The following VPS13D variants were observed in gnomAD, a reference collection of about 807,000 sequenced individuals.
VPS13D encodes the protein vacuolar protein sorting 13 homolog D, also known as intermembrane lipid transfer protein VPS13D.
In VPS13D, 187 loss-of-function variants were observed where a neutral mutation model predicts 461.9. The observed-to-expected ratio is 0.40, with a 90% CI of 0.36 to 0.46. VPS13D has a LOEUF of 0.46. Among genes scored for constraint, VPS13D ranks in the 20% least tolerant of loss-of-function variants. The pLI, the probability that VPS13D is intolerant of heterozygous loss-of-function variation, is 0.60. For missense variants in VPS13D, 4,711 were observed against 5,364.9 expected, an observed-to-expected ratio of 0.88 and a Z score of 3.81; for synonymous variants, 1,951 against 1,986.3, an observed-to-expected ratio of 0.98 and a Z score of 0.47.
chr1:12,290,918 CCAG>C, intron 22 of VPS13D, 77 bp from the exon 23 acceptor site: 1 of 1,389,524 alleles, frequency 7.2e-7, no homozygotes, highest in Non-Finnish European at 9.5e-7. Flanking sequence ...CATGTGTATA[CCAG>C]CTTTTGTTCC....
intron 55 of VPS13D, 107 bp from the exon 56 acceptor site, chr1:12,378,321 T>C (rs1265161941): frequency 2.9e-6 from 3 of 1,032,966 alleles, no homozygotes; most frequent in African/African-American, 3.3e-5. Context: ...CTAAATAAAC[T>C]TCCTATATGA....
In VPS13D at chr1:12,256,165, T is replaced by C. The variant is rs536578110; in HGVS notation, c.670-168T>C. On this transcript the variant is annotated intron_variant, in intron 7 of 69. Transcript: ENST00000620676. ...GCAATATAGTGAGATCCTGTCCCTA[T>C]ATAAAAAGAATAAAAATGAATAAAA... is the stretch of plus-strand genomic sequence containing the variant. The C allele has an allele frequency of 5.7e-6, 4 of 696,338 alleles. No individual in the cohort carries two copies. The South Asian group carries it at 8.3e-5, about 14-fold the overall frequency. 43.1% of individuals were successfully genotyped at this position (696,338 alleles called of 1,614,324 possible). A position where few individuals can be genotyped will look rare whatever the true frequency, so the allele number is the denominator to read the frequency against.
chr1:12,266,805 T>C (rs57501782), intron 13 of VPS13D, 76 bp from the exon 14 acceptor site: 1 of 1,260,688 alleles, frequency 7.9e-7, no homozygotes, highest in Non-Finnish European at 1.1e-6. Context: ...TTCTGTAAAA[T>C]AGAATATCTA....
At chr1:12,372,551 G>T (rs534631775) in intron 54 of VPS13D, among the ~76,000 whole-genome samples, 19 of 152,204 alleles carry the variant, frequency 1.2e-4, no homozygotes, top group Non-Finnish European at 2.6e-4. Flanking sequence ...ATTTCAAATG[G>T]AATTATTTAC....
chr1:12,384,915 C>T (rs1251328779), intron 58 of VPS13D, among the ~76,000 whole-genome samples: 6 of 152,110 alleles, frequency 3.9e-5, no homozygotes, highest in East Asian at 3.9e-4. Context: ...GCCACTGTGC[C>T]GGCTCACAAT....
At chr1:12,240,942 TC>T (rs1031252858) in intron 2 of VPS13D, among the ~76,000 whole-genome samples, 1 of 152,074 alleles carries the variant, frequency 6.6e-6, no homozygotes, top group Admixed American at 6.6e-5. Flanking sequence ...TCTTTTTTTT[TC>T]CCTTTTTCTT....
Position 12,509,692 on chromosome 1 carries a change from C to A in VPS13D, c.*668C>A, listed in dbSNP as rs1646158553. 6.6e-6 allele frequency: 1 copy of A among 152,208 alleles called. No individual in the cohort carries two copies. The highest frequency in any genetic ancestry group is 2.1e-4 in the South Asian group (1 of 4,826). 9.4% of individuals were successfully genotyped at this position (152,208 alleles called of 1,614,324 possible). On this transcript the variant is annotated 3_prime_UTR_variant, in exon 70 of 70. Transcript: ENST00000620676. ...GCTTGGGAGCCCACTTTTAATTTCT[C>A]ACCCCCATTTTACAAAGAGTGCTTA...
Position 12,412,524 on chromosome 1 carries a change from G to T in VPS13D, c.12031-2563G>T, listed in dbSNP as rs115430346. ...TAATACCATCACGTGACTTTTGACA[G>T]CATTTATGCCATACTGCGGTAGTGG... On this transcript the variant is annotated intron_variant, in intron 63 of 69. Coordinates refer to ENST00000620676, the MANE Select transcript of VPS13D (RefSeq NM_015378.4). 2.3e-3 allele frequency among the ~76,000 whole-genome samples: 348 copies of T among 152,288 alleles called. 1 individual carries two copies. The highest frequency in any genetic ancestry group is 7.9e-3 in the African/African-American group (330 of 41,550).
At chr1:12,307,536 C>T (rs923493896) in intron 26 of VPS13D, among the ~76,000 whole-genome samples, 22 of 152,098 alleles carry the variant, frequency 1.4e-4, no homozygotes, top group Admixed American at 3.9e-4. Flanking sequence ...TTGTTCTGCC[C>T]AGGCTGGAGT....
At position 12,279,778 on chromosome 1, in the gene VPS13D, A is replaced by G; in HGVS notation, c.4602+128A>G. 1.2e-6 allele frequency: 1 copy of G among 843,218 alleles called. No homozygotes were observed. The highest frequency in any genetic ancestry group is 1.6e-6 in the Non-Finnish European group (1 of 608,860). 52.2% of individuals were successfully genotyped at this position (843,218 alleles called of 1,614,324 possible). A position where few individuals can be genotyped will look rare whatever the true frequency, so the allele number is the denominator to read the frequency against. ...CAAAGATATATCACCCATGCATAAT[A>G]CCATTGTTGAAACCTTGTTCCAATA... On this transcript the variant is annotated intron_variant, in intron 20 of 69. Transcript: ENST00000620676. The surrounding 1 kb of genome is among the most constrained non-coding windows in gnomAD (Gnocchi z 4.3).
intron 66 of VPS13D, among the ~76,000 whole-genome samples, chr1:12,458,024 G>A (rs1645353249): frequency 6.6e-6 from 1 of 152,180 alleles, no homozygotes; most frequent in Non-Finnish European, 1.5e-5. Flanking sequence ...GAGAGAGCAT[G>A]GCTCTCCTCA....
At chr1:12,478,377 G>A (rs1014770469) in intron 67 of VPS13D, among the ~76,000 whole-genome samples, 1 of 152,220 alleles carries the variant, frequency 6.6e-6, no homozygotes, top group African/African-American at 2.4e-5. Context: ...CTGAAAGGGG[G>A]AGGTTCTGTG....
chr1:12,234,260 T>C lies in VPS13D; in HGVS notation c.-7T>C. ...ATTTCTAAACACCTTTTCCTGAGGA[T>C]ATAGTCATGTTGGAAGGCCTTGTAG... On this transcript the variant is annotated 5_prime_UTR_variant, in exon 2 of 70. Coordinates refer to ENST00000620676, the MANE Select transcript of VPS13D (RefSeq NM_015378.4). The C allele has an allele frequency of 6.2e-7, 1 of 1,603,446 alleles. No homozygotes were observed. Among genetic ancestry groups the C allele is most frequent in the Non-Finnish European group, 8.5e-7 (1 of 1,170,606 alleles).
rs1368867509 is a variant in VPS13D at position 12,276,944 on chromosome 1, T to A, written c.3356T>A (p.Ile1119Asn). The A allele has an allele frequency of 6.2e-7, 1 of 1,614,128 alleles. No individual in the cohort carries two copies. Among genetic ancestry groups the A allele is most frequent in the South Asian group, 1.1e-5 (1 of 91,082 alleles). The change falls in exon 19 of 70, where the codon ATT (isoleucine) becomes AAT (asparagine). Residue 1119 changes from isoleucine to asparagine, a missense_variant. Ile to Asn is a moderately radical substitution (Grantham distance 149). This residue lies in a region of VPS13D where 4,411 missense variants were observed against 4,937.8 expected (regional missense o/e 0.89). Coordinates refer to ENST00000620676, the MANE Select transcript of VPS13D (RefSeq NM_015378.4). The surrounding 1 kb of genome is among the most constrained non-coding windows in gnomAD (Gnocchi z 4.5). ...NLDIILNPETIVELIGFLQKS... is the reference protein window; with the variant it reads ...NLDIILNPETNVELIGFLQKS... The stretch of plus-strand genomic sequence containing the variant: ...GATATTATCCTCAATCCAGAGACGA[T>A]TGTGGAGCTAATTGGTTTTCTTCAA...
At chr1:12,275,316 G>A (rs1300738444) in intron 18 of VPS13D, among the ~76,000 whole-genome samples, 3 of 152,114 alleles carry the variant, frequency 2.0e-5, no homozygotes, top group Middle Eastern at 3.2e-3. Flanking sequence ...TTGGGAGGCC[G>A]AGACAGTAGA....
chr1:12,502,118 G>A lies in VPS13D; in HGVS notation c.12794+4487G>A, dbSNP rs548298654. ...CTGTAGGTGGGAGTGAGATTGTGAG[G>A]AAGAGGATCCCACTCAAAATTCGTC... On this transcript the variant is annotated intron_variant, in intron 68 of 69. Transcript: ENST00000620676. The surrounding 1 kb of genome is among the most constrained non-coding windows in gnomAD (Gnocchi z 4.3). Among the ~76,000 whole-genome samples, 1 of 152,170 alleles carries A rather than the reference G, an allele frequency of 6.6e-6. No homozygotes were observed. The highest frequency in any genetic ancestry group is 1.5e-5 in the Non-Finnish European group (1 of 68,024).
At chr1:12,363,021 A>G (rs955331938) in intron 51 of VPS13D, 51 bp from the exon 52 acceptor site, 4 of 1,603,332 alleles carry the variant, frequency 2.5e-6, no homozygotes, top group Non-Finnish European at 3.4e-6. Flanking sequence ...AGTAACACTT[A>G]TTGTCATGAA....
At position 12,359,841 on chromosome 1, in the gene VPS13D, C is replaced by T. The variant is rs1354249460; in HGVS notation, c.10141+1240C>T. On this transcript the variant is annotated intron_variant, in intron 50 of 69. Transcript: ENST00000620676. ...TTGCAGCACAGGATAGTTATCTTAA[C>T]TTGTTCTCACTTTCGTTTGCTCCAC... is the stretch of plus-strand genomic sequence containing the variant. 2.0e-5 allele frequency among the ~76,000 whole-genome samples: 3 copies of T among 152,208 alleles called. No homozygotes were observed. The East Asian group carries it at 5.8e-4, about 29-fold the overall frequency.
rs1390277609 is a variant in VPS13D, at chr1:12,276,690, C to T, written c.3102C>T (p.Ser1034=). 17 of 1,614,136 alleles carry T rather than the reference C, an allele frequency of 1.1e-5. No homozygotes were observed. Among genetic ancestry groups the T allele is most frequent in the East Asian group, 6.7e-5 (3 of 44,882 alleles). ...KNLSFDIPTG[S]LRDSRAQSPV... is the part of the protein sequence containing the mutation. ...TGAGCTTTGATATTCCAACGGGAAG[C>T]CTTCGGGATAGCAGGGCCCAGTCTC... Residue 1034 remains serine (S), a synonymous_variant, in exon 19 of 70, where the codon AGC becomes AGT. Transcript: ENST00000620676. This position sits in a 1 kb window ranked among gnomAD's most constrained non-coding sequence, Gnocchi z 4.5.
Sources: allele counts gnomAD v4.1 joint callset (sites outside exome capture counted in the v4.1 genomes callset), GRCh38; gene constraint gnomAD v4.1.1; regional missense constraint gnomAD v4.1.1; non-coding constraint Gnocchi (gnomAD v3.1); transcripts MANE v1.5; gene names NCBI Gene and HGNC (gene_info 2026-07-23, HGNC 2026-07-21).